The following VWA8 variants were observed in gnomAD, a reference collection of about 807,000 sequenced individuals.
VWA8 encodes von Willebrand factor A domain containing 8.
In VWA8, 221 loss-of-function variants were observed where a neutral mutation model predicts 241.5. The observed-to-expected ratio is 0.91, with a 90% CI of 0.82 to 1.02. The LOEUF is 1.02. VWA8 is among the 50% of genes least tolerant of loss of function. The pLI, the probability that VWA8 is intolerant of heterozygous loss-of-function variation, is 0.00. For synonymous variants in VWA8, 852 were observed against 827.1 expected (o/e 1.03, Z -0.52); for missense variants, 2,322 against 2,328.7 (o/e 1.00, Z 0.06).
intron 34 of VWA8, among the ~76,000 whole-genome samples, chr13:41,686,193 T>C (rs988767560): frequency 1.3e-5 from 2 of 152,176 alleles, no homozygotes; most frequent in Admixed American, 6.6e-5. Flanking sequence ...ATACATGGTC[T>C]TAGTTACTGA....
intron 43 of VWA8, among the ~76,000 whole-genome samples, chr13:41,571,758 C>A (rs2044306535): frequency 6.6e-6 from 1 of 152,248 alleles, no homozygotes. Context: ...GCAGCCTCTA[C>A]CCGGCCGCCA....
chr13:41,586,744 C>T (rs757114227), intron 42 of VWA8, among the ~76,000 whole-genome samples: 4 of 152,120 alleles, frequency 2.6e-5, no homozygotes, highest in Non-Finnish European at 4.4e-5. Context: ...ATGTTTGATC[C>T]GTAATAAAAT....
intron 42 of VWA8, among the ~76,000 whole-genome samples, chr13:41,582,230 GGGT>G (rs1391733197): frequency 6.6e-6 from 1 of 152,130 alleles, no homozygotes; most frequent in Non-Finnish European, 1.5e-5. Flanking sequence ...TCTTGCTCTA[GGGT>G]CCCTGTGGTT....
chr13:41,736,896 C>T (rs1301653622), intron 21 of VWA8, among the ~76,000 whole-genome samples: 1 of 143,896 alleles, frequency 6.9e-6, no homozygotes, highest in Non-Finnish European at 1.5e-5. Flanking sequence ...TATGCTGGAG[C>T]GCAATGGCAT....
intron 44 of VWA8, 56 bp downstream of exon 44, chr13:41,570,412 T>A: frequency 6.7e-7 from 1 of 1,485,654 alleles, no homozygotes; most frequent in Non-Finnish European, 9.4e-7. Flanking sequence ...ACAGCATGTG[T>A]TAGCTACTCA....
At chr13:41,949,588 G>A (rs957734728) in intron 2 of VWA8, among the ~76,000 whole-genome samples, 1 of 151,616 alleles carries the variant, frequency 6.6e-6, no homozygotes. Context: ...ACAAACCTGC[G>A]TGTACTGCAC....
chr13:41,879,949 T>A (rs955490446), intron 9 of VWA8, among the ~76,000 whole-genome samples: 1 of 152,130 alleles, frequency 6.6e-6, no homozygotes, highest in Non-Finnish European at 1.5e-5. Context: ...ACAAAAACCA[T>A]CTTTCATATG....
chr13:41,571,760 CG>C (rs965780257), intron 43 of VWA8, among the ~76,000 whole-genome samples: 3 of 152,248 alleles, frequency 2.0e-5, no homozygotes, highest in Non-Finnish European at 2.9e-5. Flanking sequence ...AGCCTCTACC[CG>C]GCCGCCACCC....
chr13:41,685,745 A>G (rs554579553), intron 34 of VWA8, among the ~76,000 whole-genome samples: 1 of 152,274 alleles, frequency 6.6e-6, no homozygotes, highest in South Asian at 2.1e-4. Flanking sequence ...AAACATCTAT[A>G]CATAATAGAA....
At chr13:41,844,136 C>T (rs1872180873) in intron 12 of VWA8, among the ~76,000 whole-genome samples, 1 of 152,134 alleles carries the variant, frequency 6.6e-6, no homozygotes, top group South Asian at 2.1e-4. Context: ...AGTTAATTCA[C>T]CATGGTCAGG....
chr13:41,734,240 A>T (rs1211491110), intron 21 of VWA8, among the ~76,000 whole-genome samples: 1 of 152,154 alleles, frequency 6.6e-6, no homozygotes, highest in Non-Finnish European at 1.5e-5. Context: ...CAGGAGGCTG[A>T]GACAGGAGAA....
At chr13:41,677,877 A>C (rs899414954) in intron 35 of VWA8, among the ~76,000 whole-genome samples, 1 of 152,238 alleles carries the variant, frequency 6.6e-6, no homozygotes, top group Non-Finnish European at 1.5e-5. Context: ...ATTTGAATTT[A>C]TCAAATGTAG....
chr13:41,937,078 CAGTAACA>C (rs2138147415), intron 2 of VWA8, among the ~76,000 whole-genome samples: 2 of 152,242 alleles, frequency 1.3e-5, no homozygotes, highest in South Asian at 4.1e-4. Context: ...GTATTCAGTA[CAGTAACA>C]TGCTGTATAG....
At position 41,896,361 on chromosome 13, in the gene VWA8, C is replaced by A. The variant is rs75097674; in HGVS notation, c.484-4774G>T. The stretch of plus-strand genomic sequence containing the variant: ...AAATGAATTTAAAAATTTAATGATA[C>A]AAGTAAAATCATGTAATTACTGGAT... On this transcript the variant is annotated intron_variant, in intron 4 of 44. Transcript: ENST00000379310. Among the ~76,000 whole-genome samples, 258 of 151,944 alleles carry A rather than the reference C, an allele frequency of 1.7e-3. 2 individuals are homozygous for A. The highest frequency in any genetic ancestry group is 5.7e-3 in the African/African-American group (237 of 41,516).
intron 20 of VWA8, among the ~76,000 whole-genome samples, chr13:41,763,304 A>ATAG (rs2045754650): frequency 7.1e-6 from 1 of 140,258 alleles, no homozygotes; most frequent in Non-Finnish European, 1.6e-5. Flanking sequence ...TAAATAAATA[A>ATAG]ATAAATAGAT....
At chr13:41,821,228 T>G (rs560920496) in intron 14 of VWA8, among the ~76,000 whole-genome samples, 218 of 152,306 alleles carry the variant, frequency 1.4e-3, no homozygotes, top group Non-Finnish European at 2.7e-3. Context: ...GTTTGCTTTT[T>G]AGTATTGACT....
intron 21 of VWA8, among the ~76,000 whole-genome samples, chr13:41,739,935 A>G (rs527379439): frequency 2.0e-5 from 3 of 148,262 alleles, no homozygotes; most frequent in Non-Finnish European, 3.0e-5. Flanking sequence ...GCTCACTGCA[A>G]GCTCCGCCTC....
At chr13:41,829,899 C>G (rs1371947876) in intron 14 of VWA8, among the ~76,000 whole-genome samples, 8 of 152,066 alleles carry the variant, frequency 5.3e-5, no homozygotes, top group Non-Finnish European at 1.0e-4. Context: ...TCCCTGTAAC[C>G]ACAAACCATC....
At chr13:41,870,326 G>C (rs996617232) in intron 9 of VWA8, among the ~76,000 whole-genome samples, 1 of 152,030 alleles carries the variant, frequency 6.6e-6, no homozygotes, top group African/African-American at 2.4e-5. Flanking sequence ...ACCTACCCAA[G>C]TAATTAAATT....
Sources: allele counts gnomAD v4.1 joint callset (sites outside exome capture counted in the v4.1 genomes callset), GRCh38; gene constraint gnomAD v4.1.1; transcripts MANE v1.5; gene names NCBI Gene and HGNC (gene_info 2026-07-23, HGNC 2026-07-21).